The following ATP10D variants were observed in gnomAD, a reference collection of about 807,000 sequenced individuals.
ATP10D encodes the protein ATPase phospholipid transporting 10D (putative), also known as phospholipid-transporting ATPase VD.
Under a neutral mutation model 144.8 loss-of-function variants are expected in ATP10D, and 89 were observed. The observed-to-expected ratio is 0.61, with a 90% confidence interval of 0.52 to 0.73. ATP10D has a LOEUF of 0.73. ATP10D is among the 30% of genes least tolerant of loss of function. ATP10D has a pLI of 0.00. For synonymous variants in ATP10D, 571 were observed against 615.1 expected (o/e 0.93, Z 1.06); for missense variants, 1,603 against 1,714.8 (o/e 0.93, Z 1.15).
chr4:47,539,517 A>G (rs532941951), intron 9 of ATP10D, among the ~76,000 whole-genome samples: 2 of 152,276 alleles, frequency 1.3e-5, no homozygotes, highest in East Asian at 3.9e-4. Context: ...TGTTTTTAAG[A>G]TATGCATTTG....
chr4:47,582,163 G>A, intron 21 of ATP10D, 99 bp downstream of exon 21: 1 of 968,314 alleles, frequency 1.0e-6, no homozygotes, highest in Non-Finnish European at 1.6e-6. Context: ...GTAATGAGAA[G>A]AGTAATGAAT....
chr4:47,557,678 A>AC lies in ATP10D; in HGVS notation c.1840dup (p.Leu614ProfsTer7). ...GTCTTTCATAGATCAGACACCCTTCACTGGGGGGGTTGCCCATTAAGTCTT... is the reference window on the plus strand; with the variant it reads ...GTCTTTCATAGATCAGACACCCTTCACCTGGGGGGGTTGCCCATTAAGTCTT... On this transcript the variant is annotated frameshift_variant, in exon 12 of 23. Coordinates refer to ENST00000273859, the MANE Select transcript of ATP10D (RefSeq NM_020453.4). LOFTEE classifies it high-confidence loss of function. The AC allele has an allele frequency of 1.9e-6, 3 of 1,609,214 alleles. No individual in the cohort carries two copies. The highest frequency in any genetic ancestry group is 2.6e-6 in the Non-Finnish European group (3 of 1,176,132).
At chr4:47,525,213 A>G (rs1032385604) in intron 4 of ATP10D, among the ~76,000 whole-genome samples, 1 of 152,222 alleles carries the variant, frequency 6.6e-6, no homozygotes, top group African/African-American at 2.4e-5. Flanking sequence ...CACTTATGTG[A>G]TTAAAGACCA....
intron 4 of ATP10D, 139 bp from the exon 5 acceptor site, chr4:47,525,418 T>G (rs1717189332): frequency 1.6e-6 from 1 of 643,672 alleles, no homozygotes; most frequent in Admixed American, 2.7e-5. Context: ...CTACTTTCCT[T>G]CCTTTGGGAA....
At chr4:47,575,457 C>T (rs1230632684) in intron 18 of ATP10D, among the ~76,000 whole-genome samples, 1 of 152,120 alleles carries the variant, frequency 6.6e-6, no homozygotes, top group African/African-American at 2.4e-5. Context: ...ACTGGGCATC[C>T]CAAGGCCTGG....
intron 1 of ATP10D, among the ~76,000 whole-genome samples, chr4:47,503,013 C>T (rs573219093): frequency 6.6e-6 from 1 of 151,876 alleles, no homozygotes; most frequent in Non-Finnish European, 1.5e-5. Flanking sequence ...ACCAGCCTGG[C>T]CATCATGATG....
intron 1 of ATP10D, among the ~76,000 whole-genome samples, chr4:47,504,753 C>G (rs368729716): frequency 6.6e-6 from 1 of 151,980 alleles, no homozygotes; most frequent in African/African-American, 2.4e-5. Context: ...TTAGTAGAGA[C>G]GGGGTTTCAC....
intron 13 of ATP10D, among the ~76,000 whole-genome samples, chr4:47,559,272 T>C (rs1402414204): frequency 1.3e-5 from 2 of 152,226 alleles, no homozygotes; most frequent in African/African-American, 2.4e-5. Context: ...TGTCCGTGAG[T>C]GACTTTATAT....
chr4:47,556,892 T>C (rs1210214572), intron 11 of ATP10D: 1 of 152,180 alleles, frequency 6.6e-6, no homozygotes, highest in Admixed American at 6.5e-5. Context: ...GAAAAAGTTC[T>C]ATGAAAATAG....
At chr4:47,528,546 T>G in intron 5 of ATP10D, among the ~76,000 whole-genome samples, 1 of 150,990 alleles carries the variant, frequency 6.6e-6, no homozygotes. Context: ...ACATTGTCTT[T>G]AATCATCCAT....
intron 3 of ATP10D, among the ~76,000 whole-genome samples, chr4:47,521,730 T>A (rs6829199): frequency 0.032 from 4,935 of 152,322 alleles, 250 homozygotes; most frequent in African/African-American, 0.11. Flanking sequence ...ATCTTTGCTC[T>A]GTTACCTGCC....
intron 22 of ATP10D, among the ~76,000 whole-genome samples, chr4:47,590,235 C>A (rs1720969239): frequency 6.6e-6 from 1 of 151,978 alleles, no homozygotes; most frequent in African/African-American, 2.4e-5. Flanking sequence ...AAAGTTGTGT[C>A]CTGATTTACT....
chr4:47,552,884 T>C (rs1449368160), intron 10 of ATP10D, among the ~76,000 whole-genome samples: 1 of 152,210 alleles, frequency 6.6e-6, no homozygotes, highest in East Asian at 1.9e-4. Context: ...TACTAGCCTC[T>C]TCTTGGAGAT....
At chr4:47,577,088 G>A in intron 19 of ATP10D, 115 bp downstream of exon 19, 1 of 898,644 alleles carries the variant, frequency 1.1e-6, no homozygotes, top group African/African-American at 1.7e-5. Flanking sequence ...ATATCTGATT[G>A]TTTTAAAAGA....
intron 21 of ATP10D, among the ~76,000 whole-genome samples, chr4:47,585,052 T>C (rs1187048911): frequency 6.6e-6 from 1 of 152,212 alleles, no homozygotes; most frequent in African/African-American, 2.4e-5. Flanking sequence ...TAGGTAGTAC[T>C]GTATACTGCA....
In ATP10D at chr4:47,572,932, G is replaced by C; in HGVS notation, c.3301G>C (p.Val1101Leu). 6.2e-7 allele frequency: 1 copy of C among 1,614,052 alleles called. No individual in the cohort carries two copies. Among genetic ancestry groups the C allele is most frequent in the South Asian group, 1.1e-5 (1 of 91,078 alleles). ...QFKHLSKLLL[V>L]HGHWCYTRLS... is the part of the protein sequence containing the mutation. The stretch of plus-strand genomic sequence containing the variant: ...CAAACATCTCAGCAAGCTCCTTCTT[G>C]TCCATGGACACTGGTGTTATACACG... The change falls in exon 18 of 23, where the codon GTC becomes CTC. Residue 1101 changes from valine (V) to leucine (L), a missense_variant. Val to Leu is a conservative substitution (Grantham distance 32, BLOSUM62 1). Transcript: ENST00000273859.
chr4:47,504,863 C>G (rs376694734), intron 1 of ATP10D, among the ~76,000 whole-genome samples: 1 of 152,186 alleles, frequency 6.6e-6, no homozygotes, highest in African/African-American at 2.4e-5. Context: ...TCCATAGATA[C>G]GAAATTTCTC....
intron 19 of ATP10D, chr4:47,578,289 T>C (rs2109471333): frequency 6.6e-6 from 1 of 152,350 alleles, no homozygotes; most frequent in South Asian, 2.1e-4. Context: ...TCATGAAATA[T>C]ACTCTCCAGA....
intron 3 of ATP10D, among the ~76,000 whole-genome samples, chr4:47,522,165 T>C (rs73237079): frequency 0.27 from 41,741 of 152,112 alleles, 6,321 homozygotes; most frequent in Admixed American, 0.35. Context: ...ACATGACACA[T>C]GACATTCTAC....
Sources: allele counts gnomAD v4.1 joint callset (sites outside exome capture counted in the v4.1 genomes callset), GRCh38; gene constraint gnomAD v4.1.1; transcripts MANE v1.5; gene names NCBI Gene and HGNC (gene_info 2026-07-23, HGNC 2026-07-21).